CEACAM19: variants seen among roughly 807,000 people sequenced by gnomAD.
CEACAM19 encodes the protein CEA cell adhesion molecule 19, also known as cell adhesion molecule CEACAM19.
In CEACAM19, 37 loss-of-function variants were observed where a neutral mutation model predicts 37.6. The observed-to-expected ratio is 0.98, with a 90% CI of 0.76 to 1.29. The LOEUF is 1.29. Ranked by LOEUF, CEACAM19 falls within the 50% of genes most tolerant of loss-of-function variation. The probability of loss-of-function intolerance (pLI) is 0.00; values close to 1 mark genes in which losing one functional copy is unlikely to be tolerated. For missense variants in CEACAM19, 340 were observed against 375.6 expected, an observed-to-expected ratio of 0.91 and a Z score of 0.78; for synonymous variants, 140 against 149.8, an observed-to-expected ratio of 0.93 and a Z score of 0.48.
At position 44,672,928 on chromosome 19, in the gene CEACAM19, T is replaced by G. The variant is rs774201878; in HGVS notation, c.388T>G (p.Trp130Gly). The G allele has an allele frequency of 3.9e-6, 6 of 1,524,228 alleles. No homozygotes were observed. In the Admixed American group the frequency reaches 1.2e-4, roughly 31 times the overall value. The allele number at this position is 1,524,228 out of a possible 1,614,324, so 94.4% of individuals were successfully genotyped here. ...YQVAITINSE[W>G]TMKAKTEVQV... ...AGTAGCCATTACCATCAACTCTGAA[T>G]GGACTATGAAGGCCAAGACTGAGGT... The change falls in exon 2 of 8, where the codon TGG becomes GGG. Residue 130 changes from tryptophan (W) to glycine (G), a missense_variant. Trp to Gly is a radical substitution (Grantham distance 184, BLOSUM62 -2). Coordinates refer to ENST00000358777, the MANE Select transcript of CEACAM19 (RefSeq NM_001127893.3).
Position 44,681,193 on chromosome 19 carries a change from T to C in CEACAM19, c.707-34T>C, listed in dbSNP as rs568620002. 6.1e-6 allele frequency: 9 copies of C among 1,487,482 alleles called. No homozygotes were observed. The African/African-American group carries it at 1.1e-4, about 18-fold the overall frequency. 92.1% of individuals were successfully genotyped at this position (1,487,482 alleles called of 1,614,324 possible). A position where few individuals can be genotyped will look rare whatever the true frequency, so the allele number is the denominator to read the frequency against. On this transcript the variant is annotated intron_variant, in intron 5 of 7. Transcript: ENST00000358777. ...GTCAGAGTGGCCTGTGGGGCCCATG[T>C]GTCAGCTGGTACCTCCCCTGGCCTC...
chr19:44,667,898 AAT>A (rs1298412656), upstream of CEACAM19, among the ~76,000 whole-genome samples: 1 of 75,360 alleles, frequency 1.3e-5, no homozygotes, highest in African/African-American at 6.1e-5. Context: ...AATTATATAT[AAT>A]ATATAAAATA....
intron 4 of CEACAM19, 87 bp from the exon 5 acceptor site, chr19:44,680,200 TG>T: frequency 9.2e-7 from 1 of 1,083,786 alleles, no homozygotes; most frequent in Non-Finnish European, 1.4e-6. Flanking sequence ...TTCAGGGACC[TG>T]GTGGGATTTC....
chr19:44,680,233 C>A (rs943060887), intron 4 of CEACAM19, 55 bp from the exon 5 acceptor site: 4 of 1,445,844 alleles, frequency 2.8e-6, no homozygotes, highest in South Asian at 1.1e-5. Context: ...AAGTCTCTCT[C>A]CCCCCGCCTG....
In CEACAM19 at chr19:44,682,636, C is replaced by A. The variant is rs774154840; in HGVS notation, c.846+16C>A. On this transcript the variant is annotated intron_variant, in intron 7 of 7. Coordinates refer to ENST00000358777, the MANE Select transcript of CEACAM19 (RefSeq NM_001127893.3). Reference sequence around the variant, plus strand: ...CCAGTACCAGGTATGGAGCTGGGAGCTGGGAGGGGTGGTGGGGATCCCACG... The same window carrying A: ...CCAGTACCAGGTATGGAGCTGGGAGATGGGAGGGGTGGTGGGGATCCCACG... The A allele has an allele frequency of 6.2e-5, 98 of 1,592,942 alleles. No homozygotes were observed. The highest frequency in any genetic ancestry group is 6.9e-5 in the Non-Finnish European group (81 of 1,169,736).
upstream of CEACAM19, among the ~76,000 whole-genome samples, chr19:44,667,905 A>C (rs1397550981): frequency 5.4e-5 from 4 of 73,832 alleles, no homozygotes; most frequent in Admixed American, 2.5e-4. Flanking sequence ...TATAATATAT[A>C]AAATATATAT....
At position 44,676,221 on chromosome 19, in the gene CEACAM19, A is replaced by G. The variant is rs758951619; in HGVS notation, c.425-50A>G. The stretch of plus-strand genomic sequence containing the variant: ...TCGGTGAGGGACTGGGGGAGCCCTC[A>G]GGAGACATCGCACAGTCCCCCCTCT... On this transcript the variant is annotated intron_variant, in intron 2 of 7. Transcript: ENST00000358777. The G allele has an allele frequency of 7.6e-5, 121 of 1,591,726 alleles. 1 individual carries two copies. In the East Asian group the frequency reaches 2.0e-3, roughly 27 times the overall value.
chr19:44,681,196 C>G (rs773280678), intron 5 of CEACAM19, 31 bp from the exon 6 acceptor site: 8 of 1,538,614 alleles, frequency 5.2e-6, no homozygotes, highest in Non-Finnish European at 7.2e-6. Context: ...GCCCATGTGT[C>G]AGCTGGTACC....
At chr19:44,674,555 C>G (rs1462883568) in intron 2 of CEACAM19, among the ~76,000 whole-genome samples, 1 of 151,948 alleles carries the variant, frequency 6.6e-6, no homozygotes, top group East Asian at 1.9e-4. Flanking sequence ...CGCATGCCAT[C>G]ACACCCAGCT....
At chr19:44,677,317 C>T (rs1395690320) in intron 3 of CEACAM19, among the ~76,000 whole-genome samples, 1 of 152,150 alleles carries the variant, frequency 6.6e-6, no homozygotes, top group Non-Finnish European at 1.5e-5. Flanking sequence ...TCCGTTTAAT[C>T]AAGTGGATTG....
upstream of CEACAM19, among the ~76,000 whole-genome samples, chr19:44,670,806 A>G (rs977670979): frequency 7.1e-6 from 1 of 140,860 alleles, no homozygotes; most frequent in African/African-American, 2.9e-5. Context: ...AAAAAAAAAA[A>G]AAAAACAGGC....
At chr19:44,672,519 A>G in intron 1 of CEACAM19, 77 bp from the exon 2 acceptor site, 2 of 1,370,896 alleles carry the variant, frequency 1.5e-6, no homozygotes, top group Non-Finnish European at 9.6e-7. Context: ...CCCGCTGAAG[A>G]TCTGTATCTA....
In CEACAM19 at chr19:44,682,565, A is replaced by AGC; in HGVS notation, c.793-1_793dup. On this transcript the variant is annotated splice_acceptor_variant, in intron 6 of 7. Transcript: ENST00000358777. LOFTEE classifies it high-confidence loss of function. ...CCACTCACCCGTGTCCTTCCCTTGCAGCCCCTGCCCACACCCCCACACCTG... is the reference window on the plus strand; with the variant it reads ...CCACTCACCCGTGTCCTTCCCTTGCAGCGCCCCTGCCCACACCCCCACACCTG... 1 of 1,600,042 alleles carries AGC rather than the reference A, an allele frequency of 6.2e-7. No individual in the cohort carries two copies. Among genetic ancestry groups the AGC allele is most frequent in the Non-Finnish European group, 8.5e-7 (1 of 1,173,516 alleles).
At chr19:44,680,805 A>G (rs560258492) in intron 5 of CEACAM19, among the ~76,000 whole-genome samples, 14 of 152,220 alleles carry the variant, frequency 9.2e-5, no homozygotes, top group Non-Finnish European at 1.9e-4. Flanking sequence ...GATCAAACAC[A>G]GTTTCTGAAA....
upstream of CEACAM19, among the ~76,000 whole-genome samples, chr19:44,667,852 TA>T (rs1166371352): frequency 1.4e-5 from 1 of 71,612 alleles, no homozygotes; most frequent in Non-Finnish European, 2.3e-5. Flanking sequence ...ATATATACAA[TA>T]TATATAAATT....
At chr19:44,682,937 C>T (rs1974088451) in intron 7 of CEACAM19, 2 of 351,056 alleles carry the variant, frequency 5.7e-6, no homozygotes, top group Non-Finnish European at 1.0e-5. Context: ...CCCAGTGAAA[C>T]CCCACCGCAG....
upstream of CEACAM19, among the ~76,000 whole-genome samples, chr19:44,668,099 TATA>T (rs1318729317): frequency 5.4e-4 from 46 of 85,014 alleles, no homozygotes; most frequent in Non-Finnish European, 7.3e-4. Flanking sequence ...TATATATTTA[TATA>T]ATATTTTATA....
chr19:44,679,478 G>C (rs1568517417), intron 4 of CEACAM19, among the ~76,000 whole-genome samples: 1 of 151,734 alleles, frequency 6.6e-6, no homozygotes, highest in African/African-American at 2.4e-5. Context: ...GGCCAGGCAT[G>C]GTGCCTCACG....
intron 3 of CEACAM19, among the ~76,000 whole-genome samples, chr19:44,677,232 T>C (rs545001279): frequency 1.8e-4 from 28 of 152,238 alleles, no homozygotes; most frequent in African/African-American, 6.0e-4. Flanking sequence ...TGGCCAGGGG[T>C]TGGTGGCCAG....
Sources: allele counts gnomAD v4.1 joint callset (sites outside exome capture counted in the v4.1 genomes callset), GRCh38; gene constraint gnomAD v4.1.1; transcripts MANE v1.5; gene names NCBI Gene and HGNC (gene_info 2026-07-23, HGNC 2026-07-21).